Variants in CIT observed in about 807,000 individuals in gnomAD.
CIT encodes citron Rho-interacting kinase.
Under a neutral mutation model 272.7 loss-of-function variants are expected in CIT, and 79 were observed. That is an observed-to-expected ratio of 0.29 (90% confidence interval 0.24 to 0.35). The LOEUF (loss-of-function observed/expected upper bound fraction) is 0.35. CIT is among the 10% of genes least tolerant of loss of function. The pLI is 1.00. For synonymous variants in CIT, 948 were observed against 995.6 expected (o/e 0.95, Z 0.90); for missense variants, 1,909 against 2,618.3 (o/e 0.73, Z 5.91).
At chr12:119,847,919 AT>A (rs1969933938) in intron 5 of CIT, among the ~76,000 whole-genome samples, 2 of 152,174 alleles carry the variant, frequency 1.3e-5, no homozygotes, top group African/African-American at 4.8e-5. Flanking sequence ...AATAAAAAAA[AT>A]TAAAAGTCTG....
intron 17 of CIT, among the ~76,000 whole-genome samples, chr12:119,772,276 G>A (rs1963247147): frequency 6.6e-6 from 1 of 152,158 alleles, no homozygotes; most frequent in African/African-American, 2.4e-5. Context: ...CACTCATGTG[G>A]TTCTGGTAAA....
Position 119,726,385 on chromosome 12 carries a change from A to ATTTTTTTTTTTTT in CIT, c.3591+2104_3591+2116dup, listed in dbSNP as rs3999547. Among the ~76,000 whole-genome samples, 8 of 101,418 alleles carry ATTTTTTTTTTTTT rather than the reference A, an allele frequency of 7.9e-5. 1 individual carries two copies. The highest frequency in any genetic ancestry group is 1.1e-4 in the Non-Finnish European group (6 of 52,992). 66.5% of individuals were successfully genotyped at this position (101,418 alleles called of 152,430 possible). A position where few individuals can be genotyped will look rare whatever the true frequency, so the allele number is the denominator to read the frequency against. ...AACTGCACACCACCACACTTGGCTA[A>ATTTTTTTTTTTTT]TTTTTTTTTTTTTTTTTTTTTTTTT... On this transcript the variant is annotated intron_variant, in intron 28 of 47. Coordinates refer to ENST00000392521, the MANE Select transcript of CIT (RefSeq NM_001206999.2).
At position 119,718,904 on chromosome 12, in the gene CIT, G is replaced by C. The variant is rs1474606701; in HGVS notation, c.3841-43C>G. 1.9e-6 allele frequency: 3 copies of C among 1,600,260 alleles called. No homozygotes were observed. In the South Asian group the frequency reaches 3.3e-5, roughly 18 times the overall value. ...GATATCTCCTAACTCCTGGAAACTGGCACTTGAAACTAGCTAAAGGAAATC... is the reference window on the plus strand; with the variant it reads ...GATATCTCCTAACTCCTGGAAACTGCCACTTGAAACTAGCTAAAGGAAATC... On this transcript the variant is annotated intron_variant, in intron 30 of 47. Coordinates refer to ENST00000392521, the MANE Select transcript of CIT (RefSeq NM_001206999.2). This position sits in a 1 kb window ranked among gnomAD's most constrained non-coding sequence, Gnocchi z 4.8.
intron 28 of CIT, among the ~76,000 whole-genome samples, chr12:119,722,847 C>T (rs1047400072): frequency 6.6e-5 from 10 of 152,088 alleles, no homozygotes; most frequent in Non-Finnish European, 1.5e-4. Context: ...CTCATCCTCC[C>T]GTCTGCCTTT....
At chr12:119,746,702 A>G (rs1209642839) in intron 23 of CIT, among the ~76,000 whole-genome samples, 1 of 152,210 alleles carries the variant, frequency 6.6e-6, no homozygotes, top group Non-Finnish European at 1.5e-5. Context: ...GGGACTTTGG[A>G]TCATGTCAAG....
chr12:119,737,652 A>G (rs1958850664), intron 24 of CIT, among the ~76,000 whole-genome samples: 1 of 152,120 alleles, frequency 6.6e-6, no homozygotes, highest in African/African-American at 2.4e-5. Context: ...GTTGTCATCC[A>G]GTTTTCAAGG....
rs770023383 is a variant in CIT, at chr12:119,708,159, G to A, written c.5211+20C>T. 2.6e-6 allele frequency: 4 copies of A among 1,524,594 alleles called. No individual in the cohort carries two copies. In the South Asian group the frequency reaches 3.8e-5, roughly 15 times the overall value. 94.4% of individuals were successfully genotyped at this position (1,524,594 alleles called of 1,614,324 possible). On this transcript the variant is annotated intron_variant, in intron 40 of 47. Coordinates refer to ENST00000392521, the MANE Select transcript of CIT (RefSeq NM_001206999.2). Reference sequence around the variant, plus strand: ...AATTTCCAGAACATTCCACCAGCTAGGACTCTGAGGGGAGCTTACCTTGCC... The same window carrying A: ...AATTTCCAGAACATTCCACCAGCTAAGACTCTGAGGGGAGCTTACCTTGCC...
chr12:119,772,530 GA>G (rs1963281199), intron 17 of CIT, among the ~76,000 whole-genome samples: 1 of 152,202 alleles, frequency 6.6e-6, no homozygotes. Flanking sequence ...GGGTAGGTCA[GA>G]GGAAAATAAA....
chr12:119,714,696 T>C (rs1420393293), intron 32 of CIT, among the ~76,000 whole-genome samples: 1 of 152,192 alleles, frequency 6.6e-6, no homozygotes, highest in Non-Finnish European at 1.5e-5. Flanking sequence ...TTGATGAGGA[T>C]GTGGAGAAAC....
chr12:119,702,059 G>A (rs969452909), intron 41 of CIT, 101 bp from the exon 42 acceptor site: 9 of 830,884 alleles, frequency 1.1e-5, no homozygotes, highest in African/African-American at 1.0e-4. Context: ...CCAAGCCCTG[G>A]AGAACATTGT....
intron 5 of CIT, among the ~76,000 whole-genome samples, chr12:119,838,441 T>C (rs1375271870): frequency 6.6e-6 from 1 of 152,126 alleles, no homozygotes; most frequent in Non-Finnish European, 1.5e-5. Context: ...TCCCAACCAC[T>C]TAGGGAGCTT....
In CIT at chr12:119,730,475, C is replaced by A; in HGVS notation, c.3486+20G>T. ...GAAACGAAAATGTTTTCCTAAAAAG[C>A]AGAAGGGGTGGGCGCTGACCTTGTC... is the stretch of plus-strand genomic sequence containing the variant. On this transcript the variant is annotated intron_variant, in intron 27 of 47. Coordinates refer to ENST00000392521, the MANE Select transcript of CIT (RefSeq NM_001206999.2). The A allele has an allele frequency of 6.4e-7, 1 of 1,557,842 alleles. No individual in the cohort carries two copies. The highest frequency in any genetic ancestry group is 8.7e-7 in the Non-Finnish European group (1 of 1,148,218).
intron 32 of CIT, 122 bp from the exon 33 acceptor site, chr12:119,714,456 T>A: frequency 1.0e-6 from 1 of 964,262 alleles, no homozygotes; most frequent in Non-Finnish European, 1.5e-6. Flanking sequence ...AAGGGACTCA[T>A]ATCTAGAATA....
chr12:119,707,756 TC>T (rs1956955753), intron 40 of CIT, among the ~76,000 whole-genome samples: 1 of 152,138 alleles, frequency 6.6e-6, no homozygotes, highest in African/African-American at 2.4e-5. Context: ...TGCCTCGGCC[TC>T]CCAAAGTGCT....
chr12:119,701,206 ATGGGG>A (rs1179689661), intron 43 of CIT, among the ~76,000 whole-genome samples: 18 of 38,306 alleles, frequency 4.7e-4, no homozygotes, highest in African/African-American at 3.2e-3. Flanking sequence ...GAGGGAGGGG[ATGGGG>A]AGGGGGAGGG....
At position 119,730,620 on chromosome 12, in the gene CIT, C is replaced by T. The variant is rs1489483077; in HGVS notation, c.3361G>A (p.Asp1121Asn). The change falls in exon 27 of 48, where the codon GAT (aspartate) becomes AAT (asparagine). Residue 1121 changes from aspartate (D) to asparagine (N), a missense_variant. Physicochemically the swap from Asp to Asn is conservative, Grantham distance 23. Transcript: ENST00000392521. Reference protein sequence around the residue: ...DTEKQSRARADQRITESRQVV... With the variant: ...DTEKQSRARANQRITESRQVV... ...TGGCGAGACTCGGTGATCCGCTGATCGGCTCTCGCCCTGCCAGAAAGACAC... is the reference window on the plus strand; with the variant it reads ...TGGCGAGACTCGGTGATCCGCTGATTGGCTCTCGCCCTGCCAGAAAGACAC... The T allele has an allele frequency of 5.0e-6, 8 of 1,613,680 alleles. No individual in the cohort carries two copies. The highest frequency in any genetic ancestry group is 2.2e-5 in the East Asian group (1 of 44,852).
intron 2 of CIT, among the ~76,000 whole-genome samples, chr12:119,870,549 CAAAAAAAAAAAA>C (rs57894300): frequency 1.9e-5 from 1 of 52,412 alleles, no homozygotes; most frequent in Non-Finnish European, 3.6e-5. Flanking sequence ...GACTCCCTCT[CAAAAAAAAAAAA>C]AAAAAAAAAA....
intron 28 of CIT, among the ~76,000 whole-genome samples, chr12:119,725,533 G>A (rs1958046319): frequency 6.6e-6 from 1 of 152,230 alleles, no homozygotes; most frequent in Admixed American, 6.5e-5. Flanking sequence ...CAACCAGGAG[G>A]CCCAATCACA....
intron 23 of CIT, 37 bp from the exon 24 acceptor site, chr12:119,742,501 G>A (rs747614183): frequency 3.3e-6 from 5 of 1,524,686 alleles, no homozygotes; most frequent in Non-Finnish European, 2.7e-6. Flanking sequence ...TTTTTCATAG[G>A]GTAGAATACA....
Sources: allele counts gnomAD v4.1 joint callset (sites outside exome capture counted in the v4.1 genomes callset), GRCh38; gene constraint gnomAD v4.1.1; non-coding constraint Gnocchi (gnomAD v3.1); transcripts MANE v1.5; gene names NCBI Gene and HGNC (gene_info 2026-07-23, HGNC 2026-07-21).